DAGLB: variants seen among roughly 807,000 people sequenced by gnomAD.
The protein encoded by DAGLB is diacylglycerol lipase-beta.
DAGLB carries 66 observed loss-of-function variants against 72.1 expected under a neutral mutation model. That is an observed-to-expected ratio of 0.92 (90% CI 0.75 to 1.12). The LOEUF is 1.12. DAGLB is among the 50% of genes most tolerant of loss of function. DAGLB has a pLI of 0.00. For missense variants in DAGLB, 1,065 were observed against 884.9 expected (o/e 1.20, Z -2.58); for synonymous variants, 414 against 359.5 (o/e 1.15, Z -1.71).
chr7:6,441,291 C>G (rs1784823286), intron 2 of DAGLB, among the ~76,000 whole-genome samples: 1 of 151,532 alleles, frequency 6.6e-6, no homozygotes, highest in Non-Finnish European at 1.5e-5. Flanking sequence ...CGGGGTTTCA[C>G]CATGTTAGCC....
At chr7:6,439,913 A>C (rs1314908955) in intron 2 of DAGLB, among the ~76,000 whole-genome samples, 1 of 151,708 alleles carries the variant, frequency 6.6e-6, no homozygotes, top group Non-Finnish European at 1.5e-5. Flanking sequence ...TTAGCCAGGC[A>C]TGGTGGTGGG....
intron 5 of DAGLB, among the ~76,000 whole-genome samples, chr7:6,432,518 G>T (rs1376422049): frequency 6.7e-6 from 1 of 148,426 alleles, no homozygotes; most frequent in Non-Finnish European, 1.5e-5. Flanking sequence ...AAATTAGCCA[G>T]GTGTGGTGGC....
intron 11 of DAGLB, 72 bp downstream of exon 11, chr7:6,416,555 G>GA (rs1173728753): frequency 1.3e-5 from 19 of 1,514,618 alleles, no homozygotes; most frequent in Admixed American, 4.5e-5. Context: ...GAAAATAAAA[G>GA]AAAAAAAAGA....
chr7:6,435,612 G>A (rs1193727149), intron 3 of DAGLB: 5 of 155,256 alleles, frequency 3.2e-5, no homozygotes, highest in South Asian at 1.9e-4. Context: ...CGGATGCAGC[G>A]GGCACTTCTT....
chr7:6,425,852 G>A, intron 7 of DAGLB, 136 bp downstream of exon 7: 2 of 1,422,770 alleles, frequency 1.4e-6, no homozygotes. Flanking sequence ...TGGCCCCTCT[G>A]AAATAGTACA....
chr7:6,447,085 C>G (rs988146516), intron 1 of DAGLB, among the ~76,000 whole-genome samples: 14 of 152,202 alleles, frequency 9.2e-5, no homozygotes, highest in Non-Finnish European at 1.5e-4. Context: ...GCAATCCTCC[C>G]GTCTCAGCCT....
At chr7:6,423,673 C>T (rs185581723) in intron 8 of DAGLB, among the ~76,000 whole-genome samples, 2,787 of 151,888 alleles carry the variant, frequency 0.018, 40 homozygotes, top group Admixed American at 0.034. Context: ...CTGCAACCTC[C>T]GCCTCCCGGG....
At chr7:6,433,947 A>G (rs1013949752) in intron 4 of DAGLB, among the ~76,000 whole-genome samples, 30 of 152,062 alleles carry the variant, frequency 2.0e-4, no homozygotes, top group African/African-American at 6.8e-4. Context: ...AGAAATAACC[A>G]GCTTCTCTTC....
chr7:6,410,454 C>T (rs534570591), intron 13 of DAGLB, 74 bp from the exon 14 acceptor site: 27 of 1,524,944 alleles, frequency 1.8e-5, no homozygotes, highest in East Asian at 9.1e-5. Context: ...AACACCAAGG[C>T]GGACCAGGCA....
At chr7:6,444,832 G>A (rs1338770315) in intron 2 of DAGLB, among the ~76,000 whole-genome samples, 1 of 152,146 alleles carries the variant, frequency 6.6e-6, no homozygotes, top group East Asian at 1.9e-4. Flanking sequence ...CTTGAACCCG[G>A]GAGGCAGAGG....
At chr7:6,443,017 C>CA (rs71008392) in intron 2 of DAGLB, among the ~76,000 whole-genome samples, 1,976 of 120,926 alleles carry the variant, frequency 0.016, 46 homozygotes, top group African/African-American at 0.052. Context: ...TCTAAAAATA[C>CA]AAAAAAAAAA....
At position 6,421,789 on chromosome 7, in the gene DAGLB, G is replaced by T. The variant is rs376696645; in HGVS notation, c.1156C>A (p.Leu386Met). 85 of 1,613,034 alleles carry T rather than the reference G, an allele frequency of 5.3e-5. No individual in the cohort carries two copies. The highest frequency in any genetic ancestry group is 6.7e-5 in the Non-Finnish European group (79 of 1,179,628). The change falls in exon 9 of 15, where the codon CTG becomes ATG. Residue 386 changes from leucine to methionine, a missense_variant. By Grantham distance (15) the Leu-to-Met change is conservative. Transcript: ENST00000297056. ...TCCAGCACCTCACTCTCCGCTGACA[G>T]GTCCGTAAGGACATCCTGTAAAAAG... Reference protein sequence around the residue: ...TMSLQDVLTDLSAESEVLDVE... With the variant: ...TMSLQDVLTDMSAESEVLDVE...
At chr7:6,415,713 C>T (rs1023210081) in intron 11 of DAGLB, among the ~76,000 whole-genome samples, 8 of 151,254 alleles carry the variant, frequency 5.3e-5, no homozygotes, top group East Asian at 2.0e-4. Flanking sequence ...GGTGTGGTGG[C>T]GGGCGCCTGT....
At chr7:6,420,439 C>CAA (rs113610940) in intron 9 of DAGLB, among the ~76,000 whole-genome samples, 87 of 138,238 alleles carry the variant, frequency 6.3e-4, no homozygotes, top group African/African-American at 1.5e-3. Context: ...GACTCCATCT[C>CAA]AAAAAAAAAA....
chr7:6,419,266 G>T (rs888074260), intron 9 of DAGLB, among the ~76,000 whole-genome samples: 2 of 151,940 alleles, frequency 1.3e-5, no homozygotes, highest in Admixed American at 1.3e-4. Flanking sequence ...AAAGTGCTGG[G>T]ATTACAGGTG....
At chr7:6,423,632 G>C (rs1186568910) in intron 8 of DAGLB, among the ~76,000 whole-genome samples, 1 of 144,306 alleles carries the variant, frequency 6.9e-6, no homozygotes, top group African/African-American at 2.6e-5. Context: ...TCTGTCTCCA[G>C]GCTGGAGTGC....
intron 6 of DAGLB, among the ~76,000 whole-genome samples, chr7:6,428,533 C>T (rs997090211): frequency 6.6e-6 from 1 of 150,670 alleles, no homozygotes; most frequent in African/African-American, 2.4e-5. Flanking sequence ...GTTGCTTAGG[C>T]TGCAGGGCAA....
chr7:6,432,532 C>T (rs1267259144), intron 5 of DAGLB, among the ~76,000 whole-genome samples: 17 of 151,200 alleles, frequency 1.1e-4, no homozygotes, highest in African/African-American at 2.9e-4. Flanking sequence ...TGGTGGCAGG[C>T]GCCTGTAGTC....
At chr7:6,422,328 G>A (rs1326270547) in intron 8 of DAGLB, 6 of 263,130 alleles carry the variant, frequency 2.3e-5, no homozygotes, top group South Asian at 1.5e-4. Context: ...AGAGAGGACA[G>A]GCGGCGTCCT....
Sources: allele counts gnomAD v4.1 joint callset (sites outside exome capture counted in the v4.1 genomes callset), GRCh38; gene constraint gnomAD v4.1.1; transcripts MANE v1.5; gene names NCBI Gene and HGNC (gene_info 2026-07-23, HGNC 2026-07-21).